PAM16: variants seen among roughly 807,000 people sequenced by gnomAD.
PAM16 encodes the protein mitochondrial import inner membrane translocase subunit TIM16.
PAM16 carries 11 observed loss-of-function variants against 17.9 expected under a neutral mutation model. That is an observed-to-expected ratio of 0.62 (90% confidence interval 0.39 to 1.02). PAM16 has a LOEUF of 1.02. Among genes scored for constraint, PAM16 ranks in the 50% least tolerant of loss-of-function variants. PAM16 has a pLI of 0.01. For synonymous variants in PAM16, 72 were observed against 67.4 expected, an observed-to-expected ratio of 1.07 and a Z score of -0.34; for missense variants, 199 against 165.4, an observed-to-expected ratio of 1.20 and a Z score of -1.11.
chr16:4,348,934 G>A (rs1400545298), intron 1 of PAM16, among the ~76,000 whole-genome samples: 2 of 142,236 alleles, frequency 1.4e-5, no homozygotes, highest in Non-Finnish European at 3.0e-5. Context: ...GTGAGCCACC[G>A]TACCCGGCCT....
chr16:4,341,636 C>G, intron 2 of PAM16, 132 bp from the exon 3 acceptor site: 5 of 1,413,806 alleles, frequency 3.5e-6, no homozygotes, highest in South Asian at 2.8e-5. Flanking sequence ...GGAGCTGCCT[C>G]TTCTCCAGGA....
chr16:4,340,819 C>T, intron 4 of PAM16, 101 bp downstream of exon 4: 2 of 1,461,050 alleles, frequency 1.4e-6, no homozygotes, highest in Non-Finnish European at 1.9e-6. Flanking sequence ...TTTCTGTGTG[C>T]CAAGCCCTTA....
chr16:4,341,602 G>A (rs1440782797), intron 2 of PAM16, 98 bp from the exon 3 acceptor site: 6 of 1,484,352 alleles, frequency 4.0e-6, no homozygotes, highest in East Asian at 5.0e-5. Context: ...AGCACAGGAT[G>A]AGAGACACAG....
chr16:4,341,043 C>A, intron 3 of PAM16, 58 bp from the exon 4 acceptor site: 1 of 1,605,896 alleles, frequency 6.2e-7, no homozygotes, highest in Non-Finnish European at 8.5e-7. Context: ...AGATGTTGGG[C>A]AGGCTATGTG....
intron 1 of PAM16, chr16:4,343,842 A>C: frequency 5.0e-6 from 2 of 400,088 alleles, no homozygotes; most frequent in Non-Finnish European, 8.8e-6. Context: ...TCAAGGAGCT[A>C]AAAGCCCACT....
intron 1 of PAM16, 146 bp downstream of exon 1, chr16:4,351,086 G>C (rs892005457): frequency 5.2e-6 from 2 of 385,014 alleles, no homozygotes; most frequent in Non-Finnish European, 8.8e-6. Context: ...CGATTCCCCC[G>C]GGTGCAACGC....
chr16:4,349,693 G>A (rs1019666818), intron 1 of PAM16, among the ~76,000 whole-genome samples: 18 of 152,120 alleles, frequency 1.2e-4, no homozygotes, highest in Non-Finnish European at 2.5e-4. Context: ...CTTGAGCCTA[G>A]GAGTTCAAGG....
Position 4,351,184 on chromosome 16 carries a change from GGCCCGACTCGGCTTCCCCTCCCCGGTAGC to G in PAM16, c.3+19_3+47del. 5 of 1,221,830 alleles carry G rather than the reference GGCCCGACTCGGCTTCCCCTCCCCGGTAGC, an allele frequency of 4.1e-6. No homozygotes were observed. The highest frequency in any genetic ancestry group is 3.4e-5 in the Admixed American group (1 of 29,644). The allele number at this position is 1,221,830 out of a possible 1,614,324, so 75.7% of individuals were successfully genotyped here. On this transcript the variant is annotated intron_variant, in intron 1 of 4. Coordinates refer to ENST00000318059, the MANE Select transcript of PAM16 (RefSeq NM_016069.11). ...GCTCGCCGCCCGGCCCCCGGCCCCC[GGCCCGACTCGGCTTCCCCTCCCCGGTAGC>G]GCCCGACTCGGGGCTCACCATGGCA...
rs751804221 is a variant in PAM16, at chr16:4,349,460, C to T, written c.3+1772G>A. Among the ~76,000 whole-genome samples, 7 of 152,090 alleles carry T rather than the reference C, an allele frequency of 4.6e-5. No homozygotes were observed. In the East Asian group the frequency reaches 7.7e-4, roughly 17 times the overall value. On this transcript the variant is annotated intron_variant, in intron 1 of 4. Transcript: ENST00000318059. ...GAGCATGCCTGTTGTCCCAACTACC[C>T]GGGAGGCTGAGGCTACTGGGGAGGA...
At chr16:4,349,729 T>C (rs1029263451) in intron 1 of PAM16, among the ~76,000 whole-genome samples, 8 of 152,122 alleles carry the variant, frequency 5.3e-5, no homozygotes, top group South Asian at 2.1e-4. Context: ...ATCGCTCCAC[T>C]GCATCCTAGC....
intron 2 of PAM16, among the ~76,000 whole-genome samples, chr16:4,342,177 TG>T (rs2053658568): frequency 6.6e-6 from 1 of 152,088 alleles, no homozygotes; most frequent in African/African-American, 2.4e-5. Context: ...GATGAAAACC[TG>T]TAAAATACAA....
intron 1 of PAM16, chr16:4,344,267 GGGTTCTGT>G (rs2053701733): frequency 1.4e-5 from 1 of 72,176 alleles, no homozygotes; most frequent in East Asian, 2.2e-4. Context: ...TGAGAGGAGG[GGGTTCTGT>G]GAGAGGAGGG....
Position 4,349,753 on chromosome 16 carries a change from A to C in PAM16, c.3+1479T>G, listed in dbSNP as rs111328088. Reference sequence around the variant, plus strand: ...CTGCATCCTAGCCGGGGCGACAGACAGACATCCTATCTCAAAAAACAAACC... The same window carrying C: ...CTGCATCCTAGCCGGGGCGACAGACCGACATCCTATCTCAAAAAACAAACC... On this transcript the variant is annotated intron_variant, in intron 1 of 4. Transcript: ENST00000318059. 2.7e-3 allele frequency among the ~76,000 whole-genome samples: 408 copies of C among 152,260 alleles called. 3 individuals carry two copies. The highest frequency in any genetic ancestry group is 9.6e-3 in the African/African-American group (400 of 41,522).
rs535092839 is a variant in PAM16 at position 4,341,690 on chromosome 16, G to C, written c.89-186C>G. 3 of 999,296 alleles carry C rather than the reference G, an allele frequency of 3.0e-6. No homozygotes were observed. The African/African-American group carries it at 4.9e-5, about 16-fold the overall frequency. 61.9% of individuals were successfully genotyped at this position (999,296 alleles called of 1,614,324 possible). ...GGTAGAGGCTGGGAAAGTGAGGACA[G>C]ACGTGCCTCACTGGAGGGTAAGGGC... On this transcript the variant is annotated intron_variant, in intron 2 of 4. Coordinates refer to ENST00000318059, the MANE Select transcript of PAM16 (RefSeq NM_016069.11).
chr16:4,343,442 C>T (rs1304023769), intron 1 of PAM16, 151 bp from the exon 2 acceptor site: 1 of 1,439,388 alleles, frequency 6.9e-7, no homozygotes, highest in Non-Finnish European at 9.1e-7. Flanking sequence ...TCCAAAGCAC[C>T]CTGAATGAAA....
In PAM16 at chr16:4,341,395, G is replaced by C; in HGVS notation, c.198C>G (p.Ser66=). The C allele has an allele frequency of 1.3e-6, 2 of 1,591,730 alleles. No homozygotes were observed. The highest frequency in any genetic ancestry group is 2.3e-5 in the East Asian group (1 of 44,038). ...TCTGGACCTCCTCAGGGCTCAGCTT[G>C]GACACGTTGAGAATCTGCTGTGCCT... ...LQEAQQILNV[S]KLSPEEVQKN... Residue 66 remains serine (S), a synonymous_variant, in exon 3 of 5, where the codon TCC becomes TCG. Transcript: ENST00000318059.
rs140223645 is a variant in PAM16, at chr16:4,351,299, T to C, written c.-65A>G. 73 of 1,346,824 alleles carry C rather than the reference T, an allele frequency of 5.4e-5. 1 individual carries two copies. The East Asian group carries it at 1.1e-3, about 20-fold the overall frequency. 83.4% of individuals were successfully genotyped at this position (1,346,824 alleles called of 1,614,324 possible). A position where few individuals can be genotyped will look rare whatever the true frequency, so the allele number is the denominator to read the frequency against. On this transcript the variant is annotated 5_prime_UTR_variant, in exon 1 of 5. Transcript: ENST00000318059. ...TGGCCCCGCGGCCGGGGATCAAGCG[T>C]GGTCGGCGGGTCAGAGGTCAAGGAA...
chr16:4,349,597 C>A (rs935087342), intron 1 of PAM16, among the ~76,000 whole-genome samples: 2 of 152,004 alleles, frequency 1.3e-5, no homozygotes, highest in Non-Finnish European at 2.9e-5. Flanking sequence ...CAAGACCCCA[C>A]CTCTACATAA....
chr16:4,349,259 C>T lies in PAM16; in HGVS notation c.3+1973G>A, dbSNP rs540866276. Reference sequence around the variant, plus strand: ...TGTGAGCCACCGTGCCCGGCCAGCACTTTCTTTTCCTGTTAATATACTGTC... The same window carrying T: ...TGTGAGCCACCGTGCCCGGCCAGCATTTTCTTTTCCTGTTAATATACTGTC... On this transcript the variant is annotated intron_variant, in intron 1 of 4. Transcript: ENST00000318059. Among the ~76,000 whole-genome samples, 9 of 152,002 alleles carry T rather than the reference C, an allele frequency of 5.9e-5. No homozygotes were observed. The South Asian group carries it at 1.9e-3, about 32-fold the overall frequency.
Sources: gnomAD v4.1 joint callset for allele counts (sites outside exome capture counted in the v4.1 genomes callset) on GRCh38, gnomAD v4.1.1 for gene constraint, MANE v1.5 for transcripts, NCBI Gene and HGNC (gene_info 2026-07-23, HGNC 2026-07-21) for gene names.